CNBD1: variants seen among roughly 807,000 people sequenced by gnomAD.
CNBD1 encodes cyclic nucleotide binding domain containing 1.
A neutral mutation model predicts 54.4 loss-of-function variants in CNBD1; 71 were observed. The ratio of observed to expected loss-of-function variants is 1.30; its 90% CI spans 1.08 to 1.59. The LOEUF (loss-of-function observed/expected upper bound fraction) is 1.59. Among genes scored for constraint, CNBD1 ranks in the 40% most tolerant of loss-of-function variants. The probability of loss-of-function intolerance (pLI) is 0.00; values close to 1 mark genes in which losing one functional copy is unlikely to be tolerated. For missense variants in CNBD1, 659 were observed against 518.0 expected (o/e 1.27, Z -2.64); for synonymous variants, 182 against 170.7 (o/e 1.07, Z -0.51).
At chr8:86,929,736 A>G (rs1010447823) in intron 3 of CNBD1, among the ~76,000 whole-genome samples, 3 of 152,194 alleles carry the variant, frequency 2.0e-5, no homozygotes, top group African/African-American at 4.8e-5. Flanking sequence ...GGCAACTAGT[A>G]TGCCATTTAC....
At chr8:87,353,882 A>G in intron 10 of CNBD1, 96 bp downstream of exon 10, 6 of 816,266 alleles carry the variant, frequency 7.4e-6, no homozygotes, top group Non-Finnish European at 1.1e-5. Flanking sequence ...ATGCATATTT[A>G]TTAAATTGGG....
At chr8:87,064,775 A>G (rs867809893) in intron 4 of CNBD1, among the ~76,000 whole-genome samples, 1 of 151,832 alleles carries the variant, frequency 6.6e-6, no homozygotes, top group African/African-American at 2.4e-5. Context: ...TGTAGGTGCC[A>G]TATTATTTAT....
chr8:87,120,654 C>A (rs1302724558), intron 4 of CNBD1, among the ~76,000 whole-genome samples: 2 of 151,572 alleles, frequency 1.3e-5, no homozygotes, highest in Admixed American at 6.6e-5. Context: ...TTAGATTGTT[C>A]GTTTGCCCCA....
At chr8:86,928,814 C>T (rs1809409138) in intron 3 of CNBD1, among the ~76,000 whole-genome samples, 2 of 152,130 alleles carry the variant, frequency 1.3e-5, no homozygotes, top group South Asian at 4.1e-4. Flanking sequence ...GGAGATTTGG[C>T]CCTGTAAATA....
At chr8:87,423,215 C>T (rs1355247712) in intron 2 of CNBD1, among the ~76,000 whole-genome samples, 2 of 152,136 alleles carry the variant, frequency 1.3e-5, no homozygotes, top group Non-Finnish European at 2.9e-5. Context: ...TTCATGTCAT[C>T]TGCAAACAGG....
chr8:87,028,599 GT>G (rs1809708093), intron 4 of CNBD1, among the ~76,000 whole-genome samples: 1 of 152,156 alleles, frequency 6.6e-6, no homozygotes, highest in Non-Finnish European at 1.5e-5. Context: ...AAAACTAGGG[GT>G]TTATATAGCA....
At chr8:86,934,045 A>G (rs1809502827) in intron 3 of CNBD1, among the ~76,000 whole-genome samples, 1 of 152,116 alleles carries the variant, frequency 6.6e-6, no homozygotes, top group South Asian at 2.1e-4. Context: ...TATCTATAGA[A>G]GTTTATTTTA....
intron 2 of CNBD1, among the ~76,000 whole-genome samples, chr8:87,394,832 A>T (rs1021099891): frequency 2.0e-5 from 3 of 151,770 alleles, no homozygotes; most frequent in African/African-American, 7.2e-5. Context: ...GCTGGTTTTT[A>T]AAAGAAAATG....
chr8:87,269,541 C>T (rs1434316026), intron 6 of CNBD1, among the ~76,000 whole-genome samples: 1 of 152,104 alleles, frequency 6.6e-6, no homozygotes, highest in Non-Finnish European at 1.5e-5. Flanking sequence ...TTTATTCTTG[C>T]TATCCACGAG....
intron 8 of CNBD1, among the ~76,000 whole-genome samples, chr8:87,342,652 G>A (rs1306273151): frequency 6.6e-6 from 1 of 152,010 alleles, no homozygotes; most frequent in Non-Finnish European, 1.5e-5. Context: ...GGCCTCTGAG[G>A]GTGCCATCAC....
chr8:86,915,424 A>G (rs1055219398), intron 3 of CNBD1, among the ~76,000 whole-genome samples: 3 of 152,116 alleles, frequency 2.0e-5, no homozygotes, highest in East Asian at 1.9e-4. Context: ...AGTCTCCTCT[A>G]TCCTCCTAGG....
intron 4 of CNBD1, among the ~76,000 whole-genome samples, chr8:87,075,778 C>T (rs972603824): frequency 1.2e-4 from 18 of 152,196 alleles, no homozygotes; most frequent in South Asian, 4.1e-4. Flanking sequence ...GGGTGTTTGG[C>T]GAATGTTTTA....
At position 87,345,504 on chromosome 8, in the gene CNBD1, T is replaced by C. The variant is rs534307819; in HGVS notation, c.1043-6181T>C. ...TGTGGTGTCTAAATGCAATTGACTT[T>C]GGGTCAATTGTCAGTCTTTTCCTTA... On this transcript the variant is annotated intron_variant, in intron 8 of 10. Transcript: ENST00000518476. 4.7e-4 allele frequency among the ~76,000 whole-genome samples: 72 copies of C among 152,180 alleles called. 1 individual carries two copies. Among genetic ancestry groups the C allele is most frequent in the Non-Finnish European group, 9.0e-4 (61 of 68,028 alleles).
At chr8:87,149,909 C>G (rs1812567005) in intron 4 of CNBD1, among the ~76,000 whole-genome samples, 1 of 152,124 alleles carries the variant, frequency 6.6e-6, no homozygotes, top group Non-Finnish European at 1.5e-5. Flanking sequence ...GGTGCGGTGG[C>G]TCACGCCTGT....
intron 2 of CNBD1, among the ~76,000 whole-genome samples, chr8:86,898,204 A>G (rs1189199839): frequency 6.6e-6 from 1 of 152,204 alleles, no homozygotes; most frequent in Non-Finnish European, 1.5e-5. Context: ...ACTGAAATGT[A>G]TATAAAGACA....
chr8:87,030,920 CT>C (rs1181116720), intron 4 of CNBD1, among the ~76,000 whole-genome samples: 12 of 95,438 alleles, frequency 1.3e-4, no homozygotes, highest in African/African-American at 4.2e-4. Flanking sequence ...TCCTCCCCCC[CT>C]CCTCCTGCCC....
intron 4 of CNBD1, among the ~76,000 whole-genome samples, chr8:87,105,975 T>C (rs1328098752): frequency 1.3e-5 from 2 of 152,140 alleles, no homozygotes; most frequent in African/African-American, 4.8e-5. Context: ...ATATCTTTGA[T>C]AACGCTGACC....
chr8:87,414,790 A>AT (rs10709999), intron 2 of CNBD1, among the ~76,000 whole-genome samples: 3 of 151,790 alleles, frequency 2.0e-5, no homozygotes, highest in East Asian at 1.9e-4. Context: ...TTTAAAAAGG[A>AT]TTTTTTTTAC....
chr8:87,410,198 G>T (rs1807717851), intron 2 of CNBD1, among the ~76,000 whole-genome samples: 1 of 152,094 alleles, frequency 6.6e-6, no homozygotes, highest in African/African-American at 2.4e-5. Context: ...TCAACCAAGA[G>T]CTCTGATGGA....
Sources: allele counts gnomAD v4.1 joint callset (sites outside exome capture counted in the v4.1 genomes callset), GRCh38; gene constraint gnomAD v4.1.1; transcripts MANE v1.5; gene names NCBI Gene and HGNC (gene_info 2026-07-23, HGNC 2026-07-21).